The following SRGAP1 variants were observed in gnomAD, a reference collection of about 807,000 sequenced individuals.
SRGAP1 encodes the protein SLIT-ROBO Rho GTPase activating protein 1, also known as SLIT-ROBO Rho GTPase-activating protein 1.
In SRGAP1, 43 loss-of-function variants were observed where a neutral mutation model predicts 121.9. That is an observed-to-expected ratio of 0.35 (90% CI 0.28 to 0.46). The LOEUF is 0.46. Ranked by LOEUF, SRGAP1 falls within the 20% of genes least tolerant of loss-of-function variation. The probability of loss-of-function intolerance (pLI) is 1.00; values close to 1 mark genes in which losing one functional copy is unlikely to be tolerated. For missense variants in SRGAP1, 1,102 were observed against 1,350.9 expected (o/e 0.82, Z 2.89); for synonymous variants, 447 against 485.4 (o/e 0.92, Z 1.04).
chr12:63,876,309 T>C (rs1233305700), intron 1 of SRGAP1, among the ~76,000 whole-genome samples: 11 of 152,126 alleles, frequency 7.2e-5, no homozygotes, highest in East Asian at 5.8e-4. Flanking sequence ...AGATATAGTA[T>C]TGAAATATCA....
intron 15 of SRGAP1, among the ~76,000 whole-genome samples, chr12:64,108,021 C>A (rs2036373117): frequency 6.6e-6 from 1 of 152,124 alleles, no homozygotes; most frequent in South Asian, 2.1e-4. Flanking sequence ...TTGGGTATGC[C>A]ACTTGCCCAG....
At chr12:64,037,269 G>A (rs2136496896) in intron 4 of SRGAP1, among the ~76,000 whole-genome samples, 1 of 152,326 alleles carries the variant, frequency 6.6e-6, no homozygotes, top group African/African-American at 2.4e-5. Context: ...TTGGATGGGT[G>A]TTGGGACCAG....
chr12:63,878,541 G>T (rs1286622344), intron 1 of SRGAP1, among the ~76,000 whole-genome samples: 1 of 152,188 alleles, frequency 6.6e-6, no homozygotes, highest in Non-Finnish European at 1.5e-5. Context: ...TGTGTGTAGA[G>T]TATGTATATC....
intron 8 of SRGAP1, among the ~76,000 whole-genome samples, chr12:64,068,345 A>G (rs999067367): frequency 1.3e-5 from 2 of 150,982 alleles, no homozygotes; most frequent in Non-Finnish European, 3.0e-5. Flanking sequence ...TGAAAAAAAA[A>G]TTTTTTTTGA....
rs958514541 is a variant in SRGAP1 at position 63,898,748 on chromosome 12, T to C, written c.67+53865T>C. Among the ~76,000 whole-genome samples, 9 of 152,350 alleles carry C rather than the reference T, an allele frequency of 5.9e-5. No individual in the cohort carries two copies. The East Asian group carries it at 1.5e-3, about 26-fold the overall frequency. On this transcript the variant is annotated intron_variant, in intron 1 of 21. Coordinates refer to ENST00000355086, the MANE Select transcript of SRGAP1 (RefSeq NM_020762.4). ...ATTTTAGTTAATTTCTATAGTATCG[T>C]CACATTTCCCACTGTTAGATATTGT...
At chr12:63,960,365 C>A (rs1214268646) in intron 1 of SRGAP1, among the ~76,000 whole-genome samples, 1 of 152,070 alleles carries the variant, frequency 6.6e-6, no homozygotes, top group Non-Finnish European at 1.5e-5. Context: ...CCTCCACCGC[C>A]AGCTGGTTTT....
chr12:64,055,998 A>G (rs983706622), intron 6 of SRGAP1, among the ~76,000 whole-genome samples: 1 of 152,148 alleles, frequency 6.6e-6, no homozygotes, highest in Non-Finnish European at 1.5e-5. Flanking sequence ...TTGAACATGT[A>G]AAATACTCAA....
rs1324069613 is a variant in SRGAP1, at chr12:64,144,872, T to G, written c.*2200T>G. 1 of 131,326 alleles carries G rather than the reference T, an allele frequency of 7.6e-6. No individual in the cohort carries two copies. Among genetic ancestry groups the G allele is most frequent in the Non-Finnish European group, 1.5e-5 (1 of 64,716 alleles). The allele number at this position is 131,326 out of a possible 1,614,324, so 8.1% of individuals were successfully genotyped here. A position where few individuals can be genotyped will look rare whatever the true frequency, so the allele number is the denominator to read the frequency against. On this transcript the variant is annotated 3_prime_UTR_variant, in exon 22 of 22. Transcript: ENST00000355086. ...TTTTTTTTTTTTTTTTGAGTTGGAG[T>G]CTTGCTCTGTCGCCCAGGCCAGAGT...
intron 6 of SRGAP1, among the ~76,000 whole-genome samples, chr12:64,061,467 T>G (rs2035449066): frequency 6.6e-6 from 1 of 152,224 alleles, no homozygotes; most frequent in South Asian, 2.1e-4. Flanking sequence ...ATTGCACAAA[T>G]AAAACTTGAA....
chr12:64,126,040 CCTT>C lies in SRGAP1; in HGVS notation c.2290_2292del (p.Phe764del). On this transcript the variant is annotated inframe_deletion, in exon 19 of 22. Transcript: ENST00000355086. ...GTTGGGCGGTCTGCCAGAGAACTAT[CCTT>C]CAAGAAGGGTGCCTCCCTGCTGCTG... 6.2e-7 allele frequency: 1 copy of C among 1,614,166 alleles called. No homozygotes were observed.
chr12:64,102,154 G>A (rs894332613), intron 15 of SRGAP1, among the ~76,000 whole-genome samples: 6 of 152,186 alleles, frequency 3.9e-5, no homozygotes, highest in Non-Finnish European at 7.3e-5. Flanking sequence ...CATCGAATGA[G>A]TAGTCAATGC....
At chr12:64,128,415 G>C (rs528340409) in intron 21 of SRGAP1, among the ~76,000 whole-genome samples, 2 of 152,150 alleles carry the variant, frequency 1.3e-5, no homozygotes, top group Non-Finnish European at 2.9e-5. Flanking sequence ...GGTTCATAGT[G>C]ATTTAAACAG....
At chr12:63,952,688 C>A (rs1197363030) in intron 1 of SRGAP1, among the ~76,000 whole-genome samples, 1 of 152,260 alleles carries the variant, frequency 6.6e-6, no homozygotes, top group Non-Finnish European at 1.5e-5. Context: ...TTTCATGGTA[C>A]TGGGGATAAA....
intron 1 of SRGAP1, among the ~76,000 whole-genome samples, chr12:63,856,368 T>C (rs1194216385): frequency 6.6e-6 from 1 of 152,210 alleles, no homozygotes; most frequent in Non-Finnish European, 1.5e-5. Context: ...ATATTTGGTG[T>C]TTAAATAATC....
At chr12:64,121,470 G>A (rs1176472235) in intron 18 of SRGAP1, among the ~76,000 whole-genome samples, 1 of 151,760 alleles carries the variant, frequency 6.6e-6, no homozygotes, top group Non-Finnish European at 1.5e-5. Flanking sequence ...GCCCAGGGTT[G>A]TTTCAAACTC....
At chr12:64,018,087 T>G (rs1272105607) in intron 4 of SRGAP1, among the ~76,000 whole-genome samples, 1 of 152,074 alleles carries the variant, frequency 6.6e-6, no homozygotes, top group African/African-American at 2.4e-5. Flanking sequence ...TGTACAAGAT[T>G]ATTTTGTTTG....
At chr12:63,879,458 A>G (rs1478574131) in intron 1 of SRGAP1, 1 of 152,210 alleles carries the variant, frequency 6.6e-6, no homozygotes, top group Admixed American at 6.5e-5. Flanking sequence ...ATAAAGTACA[A>G]TACAATGAAT....
chr12:63,996,568 T>C (rs550108592), intron 3 of SRGAP1, among the ~76,000 whole-genome samples: 2 of 152,282 alleles, frequency 1.3e-5, no homozygotes, highest in South Asian at 4.1e-4. Flanking sequence ...ATGGTTGTCA[T>C]GTACAAACAG....
chr12:64,084,539 T>A lies in SRGAP1; in HGVS notation c.1409-2460T>A, dbSNP rs184881845. 3.5e-4 allele frequency among the ~76,000 whole-genome samples: 54 copies of A among 152,244 alleles called. 1 individual carries two copies. Among genetic ancestry groups the A allele is most frequent in the African/African-American group, 1.3e-3 (52 of 41,574 alleles). On this transcript the variant is annotated intron_variant, in intron 10 of 21. Transcript: ENST00000355086. ...ACCTCATTCATCAGTTGAGACACAC[T>A]CAGGACTATTAGCTGAAAAAACGAT...
Sources: gnomAD v4.1 joint callset for allele counts (sites outside exome capture counted in the v4.1 genomes callset) on GRCh38, gnomAD v4.1.1 for gene constraint, MANE v1.5 for transcripts, NCBI Gene and HGNC (gene_info 2026-07-23, HGNC 2026-07-21) for gene names.